LRRTM3: variants seen among roughly 807,000 people sequenced by gnomAD.
LRRTM3 encodes leucine rich repeat transmembrane neuronal 3.
A neutral mutation model predicts 44.7 loss-of-function variants in LRRTM3; 24 were observed. That is an observed-to-expected ratio of 0.54 (90% CI 0.39 to 0.76). The LOEUF (loss-of-function observed/expected upper bound fraction) is 0.76, where lower values mean the gene tolerates loss of function less well. LRRTM3 is among the 30% of genes least tolerant of loss of function. LRRTM3 has a pLI of 0.00. For missense variants in LRRTM3, 587 were observed against 702.2 expected (o/e 0.84, Z 1.85); for synonymous variants, 277 against 278.7 (o/e 0.99, Z 0.06).
intron 2 of LRRTM3, among the ~76,000 whole-genome samples, chr10:66,957,767 G>A (rs1204189333): frequency 6.6e-6 from 1 of 152,038 alleles, no homozygotes; most frequent in Non-Finnish European, 1.5e-5. Context: ...AAGACAAGGG[G>A]AAAATTTGCT....
intron 2 of LRRTM3, among the ~76,000 whole-genome samples, chr10:66,966,928 A>G (rs1044134652): frequency 2.6e-5 from 4 of 152,160 alleles, no homozygotes; most frequent in East Asian, 1.9e-4. Flanking sequence ...ATTCAACTAA[A>G]TGGGAGAATT....
At chr10:67,024,502 G>T (rs374279696) in intron 2 of LRRTM3, among the ~76,000 whole-genome samples, 1 of 152,124 alleles carries the variant, frequency 6.6e-6, no homozygotes, top group Non-Finnish European at 1.5e-5. Flanking sequence ...AACATCTTTG[G>T]TGGGTGGAGG....
At position 67,041,777 on chromosome 10, in the gene LRRTM3, C is replaced by T. The variant is rs150907945; in HGVS notation, c.1537-55810C>T. On this transcript the variant is annotated intron_variant, in intron 2 of 2. Transcript: ENST00000361320. ...ATAAATAAGATAATATTCTATCCTCCAGTTTTGCTTAGAATTCAGTAAGGA... is the reference window on the plus strand; with the variant it reads ...ATAAATAAGATAATATTCTATCCTCTAGTTTTGCTTAGAATTCAGTAAGGA... Among the ~76,000 whole-genome samples the T allele has an allele frequency of 1.2e-4, 18 of 152,172 alleles. No homozygotes were observed. The East Asian group carries it at 2.9e-3, about 24-fold the overall frequency.
At chr10:67,036,970 G>A (rs1311269965) in intron 2 of LRRTM3, among the ~76,000 whole-genome samples, 1 of 152,148 alleles carries the variant, frequency 6.6e-6, no homozygotes, top group Non-Finnish European at 1.5e-5. Flanking sequence ...AACCCAAAGG[G>A]AGTGACTCAT....
intron 2 of LRRTM3, among the ~76,000 whole-genome samples, chr10:67,003,049 A>G (rs1384386894): frequency 6.6e-6 from 1 of 152,140 alleles, no homozygotes; most frequent in Non-Finnish European, 1.5e-5. Flanking sequence ...GGTTATGTTC[A>G]TAGGCCACTA....
chr10:66,999,796 C>T lies in LRRTM3; in HGVS notation c.1536+71344C>T, dbSNP rs1033092019. ...TGAATTTTATATCACTGACAGATTA[C>T]TTGACCATCAATTTTTCTGATTTGT... On this transcript the variant is annotated intron_variant, in intron 2 of 2. Coordinates refer to ENST00000361320, the MANE Select transcript of LRRTM3 (RefSeq NM_178011.5). Among the ~76,000 whole-genome samples, 3 of 152,292 alleles carry T rather than the reference C, an allele frequency of 2.0e-5. No homozygotes were observed. In the East Asian group the frequency reaches 5.8e-4, roughly 29 times the overall value.
At chr10:66,965,522 A>G (rs1708044225) in intron 2 of LRRTM3, among the ~76,000 whole-genome samples, 2 of 150,176 alleles carry the variant, frequency 1.3e-5, no homozygotes, top group African/African-American at 4.9e-5. Context: ...CGACAGAGCA[A>G]GACTCCGTCT....
At chr10:67,012,485 T>C (rs541385160) in intron 2 of LRRTM3, 1 of 152,356 alleles carries the variant, frequency 6.6e-6, no homozygotes, top group South Asian at 2.1e-4. Flanking sequence ...TTTATGATTT[T>C]AGAATGATGA....
chr10:67,000,819 T>G (rs1241460862), intron 2 of LRRTM3, among the ~76,000 whole-genome samples: 1 of 152,110 alleles, frequency 6.6e-6, no homozygotes, highest in Non-Finnish European at 1.5e-5. Flanking sequence ...CCAGTGCAAT[T>G]CTGTAAAAGC....
intron 2 of LRRTM3, among the ~76,000 whole-genome samples, chr10:67,088,783 G>A (rs959165160): frequency 3.3e-5 from 5 of 151,666 alleles, no homozygotes; most frequent in Admixed American, 1.3e-4. Flanking sequence ...CATTATTCTC[G>A]TTACAGACAC....
intron 2 of LRRTM3, among the ~76,000 whole-genome samples, chr10:67,029,595 T>C (rs555427310): frequency 6.6e-6 from 1 of 152,224 alleles, no homozygotes; most frequent in Admixed American, 6.5e-5. Flanking sequence ...TATTTAAAAC[T>C]TACGTAGGTT....
intron 1 of LRRTM3, 45 bp downstream of exon 1, chr10:66,926,632 CA>C: frequency 6.3e-7 from 1 of 1,598,182 alleles, no homozygotes; most frequent in Non-Finnish European, 8.6e-7. Flanking sequence ...AAACAAAAAA[CA>C]AAAAACCTCT....
chr10:66,961,805 A>G (rs1428307204), intron 2 of LRRTM3, among the ~76,000 whole-genome samples: 1 of 152,128 alleles, frequency 6.6e-6, no homozygotes, highest in African/African-American at 2.4e-5. Flanking sequence ...CAAAGTGACT[A>G]TCCTGATCTT....
chr10:66,995,967 TAA>T (rs1851308870), intron 2 of LRRTM3, among the ~76,000 whole-genome samples: 1 of 152,236 alleles, frequency 6.6e-6, no homozygotes, highest in Admixed American at 6.5e-5. Flanking sequence ...CCTATAAACA[TAA>T]ATTATTTTCA....
chr10:66,928,549 CT>C, intron 2 of LRRTM3, 97 bp downstream of exon 2: 4 of 1,106,996 alleles, frequency 3.6e-6, no homozygotes, highest in Admixed American at 2.7e-5. Flanking sequence ...GATGCCCCCC[CT>C]CCCCTTCCCT....
intron 2 of LRRTM3, among the ~76,000 whole-genome samples, chr10:66,960,644 A>T (rs1349980699): frequency 6.6e-6 from 1 of 152,218 alleles, no homozygotes; most frequent in Non-Finnish European, 1.5e-5. Flanking sequence ...CATCTTTGAC[A>T]TTCTGAAAGA....
intron 2 of LRRTM3, among the ~76,000 whole-genome samples, chr10:67,051,826 C>T (rs192340035): frequency 2.2e-4 from 34 of 151,924 alleles, no homozygotes; most frequent in African/African-American, 8.0e-4. Context: ...ACCATCTCGG[C>T]TCACTGCAAC....
chr10:67,018,248 G>T (rs1286789720), intron 2 of LRRTM3, among the ~76,000 whole-genome samples: 8 of 152,074 alleles, frequency 5.3e-5, no homozygotes, highest in Middle Eastern at 3.4e-3. Flanking sequence ...GAGCATAAAG[G>T]CATATGAGGC....
chr10:67,083,478 G>A (rs1048886670), intron 2 of LRRTM3, among the ~76,000 whole-genome samples: 11 of 151,322 alleles, frequency 7.3e-5, no homozygotes, highest in African/African-American at 2.4e-4. Flanking sequence ...GTTATGTTTC[G>A]TTGTCTACCT....
Sources: gnomAD v4.1 joint callset for allele counts (sites outside exome capture counted in the v4.1 genomes callset) on GRCh38, gnomAD v4.1.1 for gene constraint, MANE v1.5 for transcripts, NCBI Gene and HGNC (gene_info 2026-07-23, HGNC 2026-07-21) for gene names.